Variants in XPO5 observed in about 807,000 individuals in gnomAD.
XPO5 encodes exportin 5.
XPO5 carries 46 observed loss-of-function variants against 160.6 expected under a neutral mutation model. That is an observed-to-expected ratio of 0.29 (90% confidence interval 0.23 to 0.37). The LOEUF is 0.37. Among genes scored for constraint, XPO5 ranks in the 10% least tolerant of loss-of-function variants. The pLI is 1.00. For synonymous variants in XPO5, 537 were observed against 519.3 expected, an observed-to-expected ratio of 1.03 and a Z score of -0.46; for missense variants, 1,090 against 1,463.9, an observed-to-expected ratio of 0.74 and a Z score of 4.17.
intron 31 of XPO5, 90 bp from the exon 32 acceptor site, chr6:43,524,095 A>G (rs1793377925): frequency 1.2e-5 from 18 of 1,518,896 alleles, no homozygotes; most frequent in Admixed American, 1.0e-4. Context: ...TCGCGCCTGT[A>G]ATCCCAACAC....
At chr6:43,530,972 G>C in intron 22 of XPO5, 148 bp from the exon 23 acceptor site, 1 of 1,058,814 alleles carries the variant, frequency 9.4e-7, no homozygotes. Context: ...TATAGATACA[G>C]CATCTTTTTA....
intron 23 of XPO5, chr6:43,529,580 AAG>A (rs1203683573): frequency 5.0e-5 from 9 of 181,000 alleles, no homozygotes; most frequent in Admixed American, 1.1e-4. Flanking sequence ...AAAAGAAAGA[AAG>A]AGATTCAACT....
intron 11 of XPO5, among the ~76,000 whole-genome samples, 200 bp downstream of exon 11, chr6:43,559,978 T>C (rs527292352): frequency 6.6e-6 from 1 of 152,268 alleles, no homozygotes; most frequent in East Asian, 1.9e-4. Context: ...CAACATGCCC[T>C]GCTAATTTTT....
intron 9 of XPO5, 101 bp downstream of exon 9, chr6:43,562,146 G>T: frequency 1.2e-6 from 1 of 855,580 alleles, no homozygotes; most frequent in Non-Finnish European, 1.9e-6. Flanking sequence ...GCCCCATCAG[G>T]CTAAAATCAA....
At chr6:43,545,220 A>G (rs1016375292) in intron 20 of XPO5, among the ~76,000 whole-genome samples, 3 of 152,156 alleles carry the variant, frequency 2.0e-5, no homozygotes, top group African/African-American at 7.2e-5. Context: ...CAACTTTATC[A>G]GACACTCCAG....
intron 12 of XPO5, among the ~76,000 whole-genome samples, chr6:43,558,177 C>A (rs556111696): frequency 6.6e-6 from 1 of 151,990 alleles, no homozygotes; most frequent in East Asian, 1.9e-4. Context: ...TGGATTTTTC[C>A]ACTTTTTGGG....
chr6:43,573,215 T>G (rs1763102029), intron 2 of XPO5, among the ~76,000 whole-genome samples: 1 of 152,222 alleles, frequency 6.6e-6, no homozygotes. Flanking sequence ...TAGTCAGAGC[T>G]CAGTAAGTAT....
At chr6:43,536,169 C>A (rs1794308580) in intron 20 of XPO5, among the ~76,000 whole-genome samples, 1 of 151,756 alleles carries the variant, frequency 6.6e-6, no homozygotes, top group Non-Finnish European at 1.5e-5. Flanking sequence ...AATCCCAGCA[C>A]TTTGGGAGGC....
chr6:43,563,604 T>C (rs747664581), intron 8 of XPO5, among the ~76,000 whole-genome samples: 21 of 152,202 alleles, frequency 1.4e-4, no homozygotes, highest in Admixed American at 9.2e-4. Context: ...AGGAATAGCC[T>C]ATTACACATC....
intron 30 of XPO5, 47 bp downstream of exon 30, chr6:43,524,784 G>C (rs1341973573): frequency 6.2e-7 from 1 of 1,604,882 alleles, no homozygotes. Flanking sequence ...GGAGCAGACT[G>C]AGTGATGAAG....
rs1017069783 is a variant in XPO5 at position 43,523,364 on chromosome 6, A to T, written c.*504T>A. 3.5e-6 allele frequency: 1 copy of T among 283,946 alleles called. No homozygotes were observed. The highest frequency in any genetic ancestry group is 2.2e-5 in the African/African-American group (1 of 45,640). The allele number at this position is 283,946 out of a possible 1,614,324, so 17.6% of individuals were successfully genotyped here. The stretch of plus-strand genomic sequence containing the variant: ...TCAGCACTTAGCACCTAACCCAGAC[A>T]TGCCCCTTAGGGAGTGGGGAAAGTT... On this transcript the variant is annotated 3_prime_UTR_variant, in exon 32 of 32. Coordinates refer to ENST00000265351, the MANE Select transcript of XPO5 (RefSeq NM_020750.3).
At chr6:43,524,436 G>T in intron 31 of XPO5, 35 bp downstream of exon 31, 1 of 1,599,728 alleles carries the variant, frequency 6.3e-7, no homozygotes, top group East Asian at 2.2e-5. Context: ...ATTTAAGAAG[G>T]GGGTTGGGAG....
At chr6:43,537,459 G>C (rs1474856210) in intron 20 of XPO5, among the ~76,000 whole-genome samples, 6 of 152,138 alleles carry the variant, frequency 3.9e-5, no homozygotes, top group Non-Finnish European at 8.8e-5. Context: ...CATGTTTTAA[G>C]CTTGGCCGGC....
At chr6:43,528,067 C>T (rs1793713020) in intron 25 of XPO5, 92 bp downstream of exon 25, 1 of 1,312,566 alleles carries the variant, frequency 7.6e-7, no homozygotes, top group Non-Finnish European at 1.1e-6. Flanking sequence ...CTCTTCTACC[C>T]TGGGACAGCA....
At chr6:43,561,113 T>G in intron 9 of XPO5, 106 bp from the exon 10 acceptor site, 1 of 948,060 alleles carries the variant, frequency 1.1e-6, no homozygotes. Flanking sequence ...AAAAATGTTG[T>G]TTCAAAAGGA....
chr6:43,573,029 C>G (rs1763089464), intron 2 of XPO5, among the ~76,000 whole-genome samples: 2 of 152,040 alleles, frequency 1.3e-5, no homozygotes, highest in Admixed American at 1.3e-4. Flanking sequence ...GTAGGACAAT[C>G]AAGTTAGGAT....
chr6:43,570,003 CTT>C (rs35322286), intron 5 of XPO5, among the ~76,000 whole-genome samples: 89 of 85,368 alleles, frequency 1.0e-3, no homozygotes, highest in Non-Finnish European at 1.5e-3. Context: ...AGATCCCTAT[CTT>C]TTTTTTTTTT....
In XPO5 at chr6:43,524,652, T is replaced by G; in HGVS notation, c.3313-17A>C. 1 of 1,611,708 alleles carries G rather than the reference T, an allele frequency of 6.2e-7. No individual in the cohort carries two copies. Among genetic ancestry groups the G allele is most frequent in the Non-Finnish European group, 8.5e-7 (1 of 1,178,400 alleles). ...CCTGGGGCGCTGATATCAGCAGGGA[T>G]AAACTTACTGGATGTAGGTTTGGAT... is the stretch of plus-strand genomic sequence containing the variant. On this transcript the variant is annotated splice_polypyrimidine_tract_variant and intron_variant, in intron 30 of 31. Coordinates refer to ENST00000265351, the MANE Select transcript of XPO5 (RefSeq NM_020750.3).
At position 43,538,299 on chromosome 6, in the gene XPO5, A is replaced by G. The variant is rs553914797; in HGVS notation, c.2343-4292T>C. ...CAAGTAGCTGAGACTACAGGTGCGC[A>G]CCACCACACCTGGTTACTTTTTTAA... On this transcript the variant is annotated intron_variant, in intron 20 of 31. Coordinates refer to ENST00000265351, the MANE Select transcript of XPO5 (RefSeq NM_020750.3). 2.7e-3 allele frequency among the ~76,000 whole-genome samples: 415 copies of G among 151,596 alleles called. 4 individuals carry two copies. The highest frequency in any genetic ancestry group is 9.3e-3 in the African/African-American group (386 of 41,342).
Sources: gnomAD v4.1 joint callset for allele counts (sites outside exome capture counted in the v4.1 genomes callset) on GRCh38, gnomAD v4.1.1 for gene constraint, MANE v1.5 for transcripts, NCBI Gene and HGNC (gene_info 2026-07-23, HGNC 2026-07-21) for gene names.